Variants in SLIT3 observed in about 807,000 individuals in gnomAD.
SLIT3 encodes slit homolog 3 protein.
Under a neutral mutation model 184.0 loss-of-function variants are expected in SLIT3, and 68 were observed. That is an observed-to-expected ratio of 0.37 (90% CI 0.30 to 0.45). The LOEUF (loss-of-function observed/expected upper bound fraction) is 0.45, where lower values mean the gene tolerates loss of function less well. Ranked by LOEUF, SLIT3 falls within the 20% of genes least tolerant of loss-of-function variation. The pLI is 1.00. For synonymous variants in SLIT3, 831 were observed against 828.6 expected (o/e 1.00, Z -0.05); for missense variants, 1,707 against 2,026.0 (o/e 0.84, Z 3.02).
chr5:168,671,112 C>G, intron 34 of SLIT3, 86 bp downstream of exon 34: 1 of 1,450,048 alleles, frequency 6.9e-7, no homozygotes, highest in Non-Finnish European at 9.4e-7. Flanking sequence ...CCTCCAGCCT[C>G]CAGTAGTGCC....
rs756128556 is a variant in SLIT3, at chr5:168,666,465, C to T, written c.4561G>A (p.Ala1521Thr). 1.4e-5 allele frequency: 22 copies of T among 1,570,602 alleles called. No homozygotes were observed. The highest frequency in any genetic ancestry group is 5.9e-5 in the South Asian group (5 of 85,024). ...AGGCGGGCAGGGGCTTAGGAACACG[C>T]GAGGCAGCCGCACTCTAAGTGTCTC... ...VERHLECGCL[A>T]CS is the part of the protein sequence containing the mutation. The change falls in exon 36 of 36, where the codon GCG (alanine) becomes ACG (threonine). Residue 1521 changes from alanine (A) to threonine (T), a missense_variant. Ala to Thr is a moderately conservative substitution (Grantham distance 58). Coordinates refer to ENST00000519560, the MANE Select transcript of SLIT3 (RefSeq NM_003062.4).
At chr5:168,760,343 C>T (rs1755101812) in intron 16 of SLIT3, among the ~76,000 whole-genome samples, 1 of 152,160 alleles carries the variant, frequency 6.6e-6, no homozygotes, top group African/African-American at 2.4e-5. Flanking sequence ...CAAGTGGGCC[C>T]TTGCCTAGGC....
At chr5:169,220,150 A>C (rs1581069430) in intron 3 of SLIT3, among the ~76,000 whole-genome samples, 1 of 151,160 alleles carries the variant, frequency 6.6e-6, no homozygotes, top group Non-Finnish European at 1.5e-5. Flanking sequence ...TTTCCCATTC[A>C]CCTCCTGCCC....
intron 11 of SLIT3, among the ~76,000 whole-genome samples, chr5:168,787,755 C>T (rs567993514): frequency 1.2e-4 from 19 of 152,196 alleles, no homozygotes; most frequent in African/African-American, 4.6e-4. Flanking sequence ...AAGAGTCTAG[C>T]ACGATAAATA....
chr5:168,686,886 C>A, intron 30 of SLIT3, 93 bp downstream of exon 30: 1 of 1,503,714 alleles, frequency 6.7e-7, no homozygotes, highest in East Asian at 2.3e-5. Context: ...CCACCTGGGC[C>A]TGAGTCTCCA....
chr5:168,851,238 G>C (rs967307594), intron 5 of SLIT3, among the ~76,000 whole-genome samples: 1 of 150,732 alleles, frequency 6.6e-6, no homozygotes, highest in Non-Finnish European at 1.5e-5. Flanking sequence ...CAGGAGAATG[G>C]CGTGAACCCG....
chr5:168,777,001 G>A (rs751921185), intron 12 of SLIT3, among the ~76,000 whole-genome samples: 13 of 151,872 alleles, frequency 8.6e-5, no homozygotes, highest in Non-Finnish European at 1.5e-4. Context: ...AGCATTTTGC[G>A]TCATGCCACA....
At chr5:168,747,391 C>T (rs1251432932) in intron 20 of SLIT3, among the ~76,000 whole-genome samples, 2 of 152,204 alleles carry the variant, frequency 1.3e-5, no homozygotes, top group African/African-American at 4.8e-5. Flanking sequence ...CCATTTTGCT[C>T]GCCATTGTCT....
intron 4 of SLIT3, among the ~76,000 whole-genome samples, chr5:168,918,166 C>T (rs1581209802): frequency 6.6e-6 from 1 of 151,872 alleles, no homozygotes; most frequent in South Asian, 2.1e-4. Flanking sequence ...ACAGCAATGC[C>T]AAATCTAATG....
At chr5:168,816,814 T>C (rs1757346773) in intron 8 of SLIT3, among the ~76,000 whole-genome samples, 1 of 152,224 alleles carries the variant, frequency 6.6e-6, no homozygotes, top group Non-Finnish European at 1.5e-5. Context: ...TGAACTATTA[T>C]TATTTCCATA....
chr5:169,282,480 C>G (rs1767025723), intron 1 of SLIT3, among the ~76,000 whole-genome samples: 1 of 152,170 alleles, frequency 6.6e-6, no homozygotes, highest in Admixed American at 6.5e-5. Context: ...AATTATGTCT[C>G]TCCATTAAAG....
chr5:169,084,453 GA>G (rs1561653227), intron 4 of SLIT3, among the ~76,000 whole-genome samples: 8 of 121,532 alleles, frequency 6.6e-5, no homozygotes, highest in Non-Finnish European at 1.2e-4. Flanking sequence ...ACCATGCCCA[GA>G]TTTTTTTTTT....
Position 168,671,211 on chromosome 5 carries a change from AG to A in SLIT3, c.4113del (p.Cys1372AlafsTer82). 2 of 1,608,056 alleles carry A rather than the reference AG, an allele frequency of 1.2e-6. No homozygotes were observed. The highest frequency in any genetic ancestry group is 1.7e-6 in the Non-Finnish European group (2 of 1,176,100). On this transcript the variant is annotated frameshift_variant, in exon 34 of 36. Transcript: ENST00000519560. LOFTEE classifies it high-confidence loss of function. ...TGGGACACTGACCTGTGGCCGAGGC[AG>A]GGGTCCCGGGCCTCCTGATCGCAGA... ...GPLCDQEARD[P>X]CLGHRCHHGK... is the part of the protein sequence containing the mutation.
intron 2 of SLIT3, among the ~76,000 whole-genome samples, chr5:169,249,967 C>T (rs1765717639): frequency 6.6e-6 from 1 of 152,244 alleles, no homozygotes; most frequent in African/African-American, 2.4e-5. Flanking sequence ...ATAACAGAAA[C>T]TCTGACAAGC....
chr5:168,694,977 A>C (rs1188117335), intron 28 of SLIT3, among the ~76,000 whole-genome samples: 5 of 152,202 alleles, frequency 3.3e-5, no homozygotes, highest in Admixed American at 6.5e-5. Context: ...GGTCCTAGGA[A>C]GCCCAGGATT....
At chr5:168,754,907 T>C (rs1041858174) in intron 16 of SLIT3, among the ~76,000 whole-genome samples, 4 of 152,246 alleles carry the variant, frequency 2.6e-5, no homozygotes, top group Non-Finnish European at 5.9e-5. Context: ...GCACTGATTT[T>C]CAAGAGGAAG....
chr5:168,778,196 C>T (rs552570058), intron 12 of SLIT3, among the ~76,000 whole-genome samples: 45 of 152,286 alleles, frequency 3.0e-4, no homozygotes, highest in South Asian at 8.3e-4. Flanking sequence ...GCTTTTCCCA[C>T]GCACTTTCCA....
intron 8 of SLIT3, among the ~76,000 whole-genome samples, chr5:168,809,118 C>T (rs576459303): frequency 5.3e-5 from 8 of 152,238 alleles, no homozygotes; most frequent in South Asian, 2.1e-4. Flanking sequence ...CTTATAATGG[C>T]GGTGGAAGTT....
At chr5:169,123,309 G>A (rs984695110) in intron 4 of SLIT3, among the ~76,000 whole-genome samples, 1 of 152,100 alleles carries the variant, frequency 6.6e-6, no homozygotes, top group Non-Finnish European at 1.5e-5. Context: ...GATGCTTTAT[G>A]AAAAGTTGAT....
Sources: gnomAD v4.1 joint callset for allele counts (sites outside exome capture counted in the v4.1 genomes callset) on GRCh38, gnomAD v4.1.1 for gene constraint, MANE v1.5 for transcripts, NCBI Gene and HGNC (gene_info 2026-07-23, HGNC 2026-07-21) for gene names.